ADAM12: variants seen among roughly 807,000 people sequenced by gnomAD.
ADAM12 encodes the protein disintegrin and metalloproteinase domain-containing protein 12.
In ADAM12, 70 loss-of-function variants were observed where a neutral mutation model predicts 106.4. That is an observed-to-expected ratio of 0.66 (90% CI 0.54 to 0.80). ADAM12 has a LOEUF of 0.80. ADAM12 is among the 30% of genes least tolerant of loss of function. The pLI is 0.00. For synonymous variants in ADAM12, 420 were observed against 433.5 expected (o/e 0.97, Z 0.39); for missense variants, 1,010 against 1,171.9 (o/e 0.86, Z 2.02).
chr10:126,085,999 G>T (rs1955332865), intron 11 of ADAM12, among the ~76,000 whole-genome samples: 1 of 152,166 alleles, frequency 6.6e-6, no homozygotes, highest in African/African-American at 2.4e-5. Context: ...AAGCCATGGG[G>T]GTAAGTGTGT....
chr10:126,047,716 A>G (rs1210456106), intron 16 of ADAM12, among the ~76,000 whole-genome samples: 4 of 152,232 alleles, frequency 2.6e-5, no homozygotes, highest in African/African-American at 9.6e-5. Flanking sequence ...TAGTTCAACC[A>G]TTGTGGAAAA....
intron 3 of ADAM12, among the ~76,000 whole-genome samples, chr10:126,236,361 G>A (rs534974283): frequency 3.3e-5 from 5 of 152,184 alleles, no homozygotes; most frequent in African/African-American, 1.2e-4. Flanking sequence ...GGAAGCCCCC[G>A]GGATAAGTGG....
At chr10:126,356,577 C>T (rs1855550020) in intron 1 of ADAM12, among the ~76,000 whole-genome samples, 1 of 152,138 alleles carries the variant, frequency 6.6e-6, no homozygotes, top group African/African-American at 2.4e-5. Flanking sequence ...AAGAACATAG[C>T]ATTACAAAGA....
chr10:126,205,474 T>C (rs116749578), intron 3 of ADAM12, among the ~76,000 whole-genome samples: 79 of 152,282 alleles, frequency 5.2e-4, no homozygotes, highest in African/African-American at 1.9e-3. Context: ...AAACCTAAAA[T>C]GAAAAATCTC....
At chr10:126,272,802 A>G in intron 3 of ADAM12, 1 of 369,568 alleles carries the variant, frequency 2.7e-6, no homozygotes, top group Non-Finnish European at 5.7e-6. Flanking sequence ...CCCTCAGGCT[A>G]TGGTCAGCAT....
intron 12 of ADAM12, among the ~76,000 whole-genome samples, chr10:126,071,150 A>C (rs1391944013): frequency 6.6e-6 from 1 of 152,210 alleles, no homozygotes; most frequent in Admixed American, 6.5e-5. Context: ...TAGCTATTTG[A>C]AGCTAGAATT....
At chr10:126,074,399 CA>C (rs34360877) in intron 11 of ADAM12, among the ~76,000 whole-genome samples, 25,258 of 152,042 alleles carry the variant, frequency 0.17, 2,697 homozygotes, top group South Asian at 0.27. Context: ...TCATTCCTTT[CA>C]AAGCAACAAA....
chr10:126,307,903 C>T (rs1266798655), intron 2 of ADAM12, among the ~76,000 whole-genome samples: 1 of 152,212 alleles, frequency 6.6e-6, no homozygotes, highest in Non-Finnish European at 1.5e-5. Flanking sequence ...CTCATGCCTG[C>T]TTTTGAAAAC....
At chr10:126,276,607 A>G (rs1023722048) in intron 3 of ADAM12, among the ~76,000 whole-genome samples, 3 of 152,204 alleles carry the variant, frequency 2.0e-5, no homozygotes, top group Admixed American at 1.3e-4. Flanking sequence ...TATTATGAAA[A>G]TGTTACTTTT....
intron 18 of ADAM12, chr10:126,042,193 T>G: frequency 1.2e-6 from 2 of 1,613,892 alleles, no homozygotes; most frequent in Non-Finnish European, 1.7e-6. Flanking sequence ...CTCCTGGCCC[T>G]GGCCGCGCTC....
intron 1 of ADAM12, among the ~76,000 whole-genome samples, chr10:126,347,244 G>A (rs192508862): frequency 3.3e-5 from 5 of 152,170 alleles, no homozygotes; most frequent in African/African-American, 7.2e-5. Flanking sequence ...CAGCATTTGC[G>A]TGTCTGTAAA....
At chr10:126,296,686 A>G (rs1960397333) in intron 2 of ADAM12, among the ~76,000 whole-genome samples, 1 of 152,178 alleles carries the variant, frequency 6.6e-6, no homozygotes, top group African/African-American at 2.4e-5. Context: ...CTGAGACCCC[A>G]TGTTTCCATT....
At chr10:126,275,443 A>G (rs1461374516) in intron 3 of ADAM12, among the ~76,000 whole-genome samples, 1 of 152,196 alleles carries the variant, frequency 6.6e-6, no homozygotes, top group African/African-American at 2.4e-5. Context: ...TAGAAGGTAA[A>G]TAAAAGAGAT....
At chr10:126,370,880 C>T (rs1313215433) in intron 1 of ADAM12, among the ~76,000 whole-genome samples, 3 of 152,134 alleles carry the variant, frequency 2.0e-5, no homozygotes, top group African/African-American at 4.8e-5. Context: ...TTAGTTTCTT[C>T]ATCTGTAAAA....
chr10:126,184,920 T>C (rs1957374033), intron 3 of ADAM12, among the ~76,000 whole-genome samples: 1 of 152,184 alleles, frequency 6.6e-6, no homozygotes, highest in Non-Finnish European at 1.5e-5. Flanking sequence ...ACCATCACCA[T>C]CCTGTGTGGG....
chr10:126,049,332 C>T lies in ADAM12; in HGVS notation c.1838G>A (p.Arg613Gln), dbSNP rs768660681. The stretch of plus-strand genomic sequence containing the variant: ...ATCGCCCAAGTACACGTGGGTCCCC[C>T]GGCACAGAATCCGGCCTCCTTGCTG... ...PLQQGGRILC[R>Q]GTHVYLGDDM... Residue 613 changes from arginine (R) to glutamine (Q), a missense_variant, in exon 16 of 23, where the codon CGG (arginine) becomes CAG (glutamine). Around this residue, in one of 3 missense-constraint regions of ADAM12, gnomAD observed 615 missense variants for 708.5 expected, o/e 0.87. Coordinates refer to ENST00000448723, the MANE Select transcript of ADAM12 (RefSeq NM_001288973.2). This position sits in a 1 kb window ranked among gnomAD's most constrained non-coding sequence, Gnocchi z 4.4. The T allele has an allele frequency of 1.3e-5, 21 of 1,614,116 alleles. No individual in the cohort carries two copies. The highest frequency in any genetic ancestry group is 9.9e-5 in the South Asian group (9 of 91,094).
chr10:126,251,080 A>C (rs1958735990), intron 3 of ADAM12, among the ~76,000 whole-genome samples: 2 of 152,160 alleles, frequency 1.3e-5, no homozygotes, highest in Admixed American at 1.3e-4. Context: ...ACTGGCTCAC[A>C]TCAAAGTGGC....
At chr10:126,084,757 C>T (rs1955303291) in intron 11 of ADAM12, among the ~76,000 whole-genome samples, 1 of 152,178 alleles carries the variant, frequency 6.6e-6, no homozygotes, top group African/African-American at 2.4e-5. Flanking sequence ...AGCTGTCCCT[C>T]TCAACCCTCC....
At chr10:126,151,564 C>A (rs2133713906) in intron 4 of ADAM12, among the ~76,000 whole-genome samples, 1 of 152,148 alleles carries the variant, frequency 6.6e-6, no homozygotes, top group Admixed American at 6.5e-5. Context: ...CTGTAGGATT[C>A]ATTTTGTGCA....
Sources: allele counts gnomAD v4.1 joint callset (sites outside exome capture counted in the v4.1 genomes callset), GRCh38; gene constraint gnomAD v4.1.1; regional missense constraint gnomAD v4.1.1; non-coding constraint Gnocchi (gnomAD v3.1); transcripts MANE v1.5; gene names NCBI Gene and HGNC (gene_info 2026-07-23, HGNC 2026-07-21).